Variants in PTCD2 observed in about 807,000 individuals in gnomAD.
PTCD2 encodes pentatricopeptide repeat-containing protein 2, mitochondrial.
In PTCD2, 31 loss-of-function variants were observed where a neutral mutation model predicts 42.6. The ratio of observed to expected loss-of-function variants is 0.73; its 90% CI spans 0.55 to 0.98. The LOEUF (loss-of-function observed/expected upper bound fraction) is 0.98. Ranked by LOEUF, PTCD2 falls within the 50% of genes least tolerant of loss-of-function variation. The probability of loss-of-function intolerance (pLI) is 0.00; values close to 1 mark genes in which losing one functional copy is unlikely to be tolerated. For missense variants in PTCD2, 476 were observed against 454.8 expected, an observed-to-expected ratio of 1.05 and a Z score of -0.42; for synonymous variants, 183 against 170.9, an observed-to-expected ratio of 1.07 and a Z score of -0.55.
At chr5:72,354,815 C>T (rs1266345417) in intron 9 of PTCD2, among the ~76,000 whole-genome samples, 2 of 152,114 alleles carry the variant, frequency 1.3e-5, no homozygotes, top group Non-Finnish European at 2.9e-5. Flanking sequence ...TAACAGCAGA[C>T]TGGAAAAAAG....
chr5:72,338,117 T>C (rs1170933801), intron 6 of PTCD2, among the ~76,000 whole-genome samples: 1 of 152,224 alleles, frequency 6.6e-6, no homozygotes, highest in Non-Finnish European at 1.5e-5. Flanking sequence ...CTGACATTCT[T>C]GGATTTTTTT....
chr5:72,344,172 G>A (rs1752228421), intron 8 of PTCD2, among the ~76,000 whole-genome samples: 1 of 152,036 alleles, frequency 6.6e-6, no homozygotes, highest in Non-Finnish European at 1.5e-5. Context: ...TGAGGTGGAG[G>A]GTGTTATTTG....
intron 8 of PTCD2, among the ~76,000 whole-genome samples, chr5:72,348,527 A>G (rs1306434121): frequency 6.6e-6 from 1 of 152,230 alleles, no homozygotes; most frequent in Non-Finnish European, 1.5e-5. Context: ...TACGTGATAC[A>G]TACTGCAATG....
At chr5:72,322,059 G>C in intron 1 of PTCD2, 113 bp from the exon 2 acceptor site, 1 of 628,906 alleles carries the variant, frequency 1.6e-6, no homozygotes. Context: ...ATTTGTACCT[G>C]TCTAATGGAT....
Position 72,358,301 on chromosome 5 carries a change from T to C in PTCD2, c.1041T>C (p.Thr347=). ...GTLHITGQVT[T]DSLDAVLCHT... is the part of the protein sequence containing the mutation. ...TGCACATCACTGGCCAGGTCACCACTGATTCTTTGGATGCTGTGCTCTGCC... is the reference window on the plus strand; with the variant it reads ...TGCACATCACTGGCCAGGTCACCACCGATTCTTTGGATGCTGTGCTCTGCC... Residue 347 remains threonine (T), a synonymous_variant, in exon 10 of 10, where the codon ACT becomes ACC. Coordinates refer to ENST00000380639, the MANE Select transcript of PTCD2 (RefSeq NM_024754.5). 6.2e-7 allele frequency: 1 copy of C among 1,614,072 alleles called. No individual in the cohort carries two copies. Among genetic ancestry groups the C allele is most frequent in the Non-Finnish European group, 8.5e-7 (1 of 1,179,984 alleles).
chr5:72,356,659 T>TA (rs1219722604), intron 9 of PTCD2, among the ~76,000 whole-genome samples: 1 of 152,224 alleles, frequency 6.6e-6, no homozygotes, highest in Non-Finnish European at 1.5e-5. Context: ...ACAGAACTGT[T>TA]ACAGTTTTTA....
At position 72,360,523 on chromosome 5, in the gene PTCD2, A is replaced by G. The variant is rs1425198829; in HGVS notation, c.*2096A>G. 6.6e-6 allele frequency: 1 copy of G among 152,192 alleles called. No individual in the cohort carries two copies. The highest frequency in any genetic ancestry group is 1.5e-5 in the Non-Finnish European group (1 of 68,036). The allele number at this position is 152,192 out of a possible 1,614,324, so 9.4% of individuals were successfully genotyped here. On this transcript the variant is annotated 3_prime_UTR_variant, in exon 10 of 10. Transcript: ENST00000380639. The stretch of plus-strand genomic sequence containing the variant: ...AGCTATATGCATAATGTTCACCCCA[A>G]AGTAATAGATGATTTTAAAGTCTTA...
chr5:72,344,438 G>T (rs1029086895), intron 8 of PTCD2, among the ~76,000 whole-genome samples: 2 of 152,100 alleles, frequency 1.3e-5, no homozygotes, highest in East Asian at 3.9e-4. Context: ...GCTTGAATCT[G>T]GGAGGCAGAG....
chr5:72,320,723 T>G, intron 1 of PTCD2: 1 of 622,678 alleles, frequency 1.6e-6, no homozygotes, highest in Non-Finnish European at 2.8e-6. Flanking sequence ...GCTGGGGTAT[T>G]GACCTTGGGG....
At chr5:72,339,080 G>C (rs1203094451) in intron 7 of PTCD2, among the ~76,000 whole-genome samples, 1 of 152,212 alleles carries the variant, frequency 6.6e-6, no homozygotes, top group Non-Finnish European at 1.5e-5. Context: ...GATGAATGAG[G>C]ACTGCTGTGT....
At position 72,320,505 on chromosome 5, in the gene PTCD2, C is replaced by A. The variant is rs373788917; in HGVS notation, c.123C>A (p.Leu41=). 2 of 1,613,704 alleles carry A rather than the reference C, an allele frequency of 1.2e-6. No individual in the cohort carries two copies. Among genetic ancestry groups the A allele is most frequent in the African/African-American group, 2.7e-5 (2 of 74,898 alleles). The change falls in exon 1 of 10, where the codon CTC becomes CTA. Residue 41 remains leucine, a synonymous_variant. Coordinates refer to ENST00000380639, the MANE Select transcript of PTCD2 (RefSeq NM_024754.5). ...GCTCTGTCAGCTGCCGCTGCCCTCT[C>A]GGAGGTATCCGCGGCTTTAGCCTAG... ...GSGSVSCRCP[L]GAKRYLLTDN... is the part of the protein sequence containing the mutation.
intron 9 of PTCD2, among the ~76,000 whole-genome samples, chr5:72,356,169 A>G (rs1243409522): frequency 1.3e-5 from 2 of 152,258 alleles, no homozygotes; most frequent in Admixed American, 6.5e-5. Flanking sequence ...GTGCATAGTC[A>G]CGTGTGTATG....
At chr5:72,329,644 TA>T (rs1431984803) in intron 3 of PTCD2, among the ~76,000 whole-genome samples, 34 of 152,128 alleles carry the variant, frequency 2.2e-4, no homozygotes, top group African/African-American at 7.2e-4. Flanking sequence ...TAGCATGCCT[TA>T]CGTTTTATAA....
intron 4 of PTCD2, among the ~76,000 whole-genome samples, chr5:72,333,862 GT>G (rs1279639864): frequency 2.6e-5 from 4 of 151,778 alleles, no homozygotes; most frequent in African/African-American, 7.2e-5. Flanking sequence ...GTTTTTTGGG[GT>G]TTTTTTTGGA....
chr5:72,345,576 A>ACT (rs1752319045), intron 8 of PTCD2, among the ~76,000 whole-genome samples: 3 of 152,256 alleles, frequency 2.0e-5, no homozygotes, highest in African/African-American at 7.2e-5. Context: ...TAAAGACAGT[A>ACT]AAGACAGGCA....
intron 8 of PTCD2, among the ~76,000 whole-genome samples, chr5:72,351,223 AT>A (rs1159030309): frequency 6.6e-6 from 1 of 152,140 alleles, no homozygotes; most frequent in African/African-American, 2.4e-5. Context: ...AATATTGGTA[AT>A]TGGGGGGAGA....
chr5:72,342,340 C>G (rs1025487065), intron 7 of PTCD2, among the ~76,000 whole-genome samples: 3 of 152,194 alleles, frequency 2.0e-5, no homozygotes, highest in Non-Finnish European at 4.4e-5. Flanking sequence ...CATACTGTTT[C>G]CTATGAGTAT....
chr5:72,335,306 G>C (rs377568786), intron 5 of PTCD2, among the ~76,000 whole-genome samples: 5 of 151,856 alleles, frequency 3.3e-5, no homozygotes, highest in Non-Finnish European at 7.4e-5. Flanking sequence ...AAAATTAGCC[G>C]GGCGCGGTGG....
chr5:72,357,630 A>G (rs1425435167), intron 9 of PTCD2, among the ~76,000 whole-genome samples: 3 of 152,176 alleles, frequency 2.0e-5, no homozygotes, highest in African/African-American at 7.2e-5. Context: ...TCTAATCATT[A>G]CATTGAACAA....
Sources: allele counts gnomAD v4.1 joint callset (sites outside exome capture counted in the v4.1 genomes callset), GRCh38; gene constraint gnomAD v4.1.1; transcripts MANE v1.5; gene names NCBI Gene and HGNC (gene_info 2026-07-23, HGNC 2026-07-21).